Variants in CHL1 observed in about 807,000 individuals in gnomAD.
The protein encoded by CHL1 is neural cell adhesion molecule L1-like protein.
CHL1 carries 96 observed loss-of-function variants against 141.9 expected under a neutral mutation model. The observed-to-expected ratio is 0.68, with a 90% CI of 0.57 to 0.80. The LOEUF is 0.80. Ranked by LOEUF, CHL1 falls within the 30% of genes least tolerant of loss-of-function variation. CHL1 has a pLI of 0.00. For synonymous variants in CHL1, 613 were observed against 502.2 expected (o/e 1.22, Z -2.95); for missense variants, 1,820 against 1,457.2 (o/e 1.25, Z -4.05).
At chr3:249,346 G>A (rs973055388) in intron 2 of CHL1, among the ~76,000 whole-genome samples, 4 of 152,004 alleles carry the variant, frequency 2.6e-5, no homozygotes, top group Admixed American at 2.6e-4. Flanking sequence ...TCAAAGATTA[G>A]TGACTTCACA....
Position 282,673 on chromosome 3 carries a change from A to G in CHL1, c.-94-37010A>G, listed in dbSNP as rs62227205. The G allele has an allele frequency of 5.8e-3, 879 of 152,316 alleles. 3 individuals carry two copies. The highest frequency in any genetic ancestry group is 0.01 in the Non-Finnish European group (682 of 68,042). The allele number at this position is 152,316 out of a possible 1,614,324, so 9.4% of individuals were successfully genotyped here. A position where few individuals can be genotyped will look rare whatever the true frequency, so the allele number is the denominator to read the frequency against. ...CTGTCTTTCTCCTTCAGCACATTGA[A>G]TATGTCATCCCACTGAAAAATGTGA... On this transcript the variant is annotated intron_variant, in intron 2 of 27. Transcript: ENST00000256509.
intron 3 of CHL1, among the ~76,000 whole-genome samples, chr3:322,075 C>T (rs535908266): frequency 1.3e-5 from 2 of 152,086 alleles, no homozygotes; most frequent in Middle Eastern, 3.4e-3. Context: ...TGTATCATCC[C>T]TCACCGTTTA....
intron 3 of CHL1, among the ~76,000 whole-genome samples, chr3:320,868 C>G (rs11914397): frequency 5.5e-4 from 83 of 152,036 alleles, no homozygotes; most frequent in African/African-American, 1.9e-3. Context: ...GGAATAATCT[C>G]TATTGCATCT....
At chr3:312,965 A>C (rs1699874371) in intron 2 of CHL1, among the ~76,000 whole-genome samples, 1 of 152,182 alleles carries the variant, frequency 6.6e-6, no homozygotes, top group Non-Finnish European at 1.5e-5. Flanking sequence ...AATGTTGTTT[A>C]ATGATTTTGC....
intron 2 of CHL1, among the ~76,000 whole-genome samples, chr3:258,101 A>T (rs950402614): frequency 6.6e-6 from 1 of 152,168 alleles, no homozygotes; most frequent in Non-Finnish European, 1.5e-5. Flanking sequence ...CCTTGAAAAC[A>T]CCTGCAGGGC....
intron 2 of CHL1, among the ~76,000 whole-genome samples, chr3:307,300 A>T (rs1033996080): frequency 3.3e-5 from 5 of 152,230 alleles, no homozygotes; most frequent in African/African-American, 1.2e-4. Context: ...AAGTATGTGT[A>T]CACATGCACA....
intron 1 of CHL1, among the ~76,000 whole-genome samples, chr3:242,560 C>T (rs1013416968): frequency 3.3e-5 from 5 of 151,964 alleles, no homozygotes; most frequent in Admixed American, 2.0e-4. Context: ...TGTGCCACTG[C>T]ACTCCAGCCT....
At chr3:285,494 T>C (rs943837203) in intron 2 of CHL1, among the ~76,000 whole-genome samples, 1 of 152,218 alleles carries the variant, frequency 6.6e-6, no homozygotes, top group Non-Finnish European at 1.5e-5. Context: ...ATCATTTCAG[T>C]TCTTTCCCTA....
intron 1 of CHL1, among the ~76,000 whole-genome samples, chr3:206,462 T>C (rs1348859498): frequency 1.3e-5 from 2 of 151,664 alleles, no homozygotes; most frequent in African/African-American, 2.4e-5. Flanking sequence ...CGAGACTGTC[T>C]TAAAAAAAAA....
rs1411464629 is a variant in CHL1, at chr3:325,969, T to C, written c.102T>C (p.Val34=). The C allele has an allele frequency of 6.2e-7, 1 of 1,607,688 alleles. No individual in the cohort carries two copies. Among genetic ancestry groups the C allele is most frequent in the Non-Finnish European group, 8.5e-7 (1 of 1,175,372 alleles). ...TATTTTAATATTTAGTTCAACAGGT[T>C]CCAACAATCATAAAACAGTCAAAAG... The part of the protein sequence containing the change: ...AIEIPSSVQQ[V]PTIIKQSKVQ... The change falls in exon 4 of 28, where the codon GTT becomes GTC. Residue 34 remains valine (V), a synonymous_variant. Coordinates refer to ENST00000256509, the MANE Select transcript of CHL1 (RefSeq NM_006614.4).
chr3:227,287 A>G (rs1701440708), intron 1 of CHL1, among the ~76,000 whole-genome samples: 1 of 152,212 alleles, frequency 6.6e-6, no homozygotes, highest in South Asian at 2.1e-4. Flanking sequence ...AAAAAATGAT[A>G]TCTTATTCTA....
chr3:303,650 T>C (rs1350665214), intron 2 of CHL1, among the ~76,000 whole-genome samples: 1 of 152,216 alleles, frequency 6.6e-6, no homozygotes, highest in African/African-American at 2.4e-5. Flanking sequence ...GATGGGGTTT[T>C]CTAATTATAC....
chr3:312,429 C>T (rs138007329), intron 2 of CHL1, among the ~76,000 whole-genome samples: 1 of 152,168 alleles, frequency 6.6e-6, no homozygotes, highest in East Asian at 1.9e-4. Context: ...TTCAGGATTA[C>T]TGTGTTTATG....
chr3:251,842 G>C (rs1212283749), intron 2 of CHL1, among the ~76,000 whole-genome samples: 1 of 152,062 alleles, frequency 6.6e-6, no homozygotes, highest in African/African-American at 2.4e-5. Flanking sequence ...CTACTAAAAA[G>C]CCTTTAAAGT....
At chr3:400,536 T>G (rs904741987) in intron 26 of CHL1, among the ~76,000 whole-genome samples, 1 of 150,246 alleles carries the variant, frequency 6.7e-6, no homozygotes, top group Non-Finnish European at 1.5e-5. Context: ...CTACTAGGTC[T>G]CTGCATGTAG....
At chr3:377,038 TTTAAG>T (rs1312734368) in intron 15 of CHL1, among the ~76,000 whole-genome samples, 2 of 152,246 alleles carry the variant, frequency 1.3e-5, no homozygotes, top group African/African-American at 4.8e-5. Flanking sequence ...GATGACACTA[TTTAAG>T]TTATTTCAAC....
At chr3:395,245 C>G (rs1025683973) in intron 24 of CHL1, among the ~76,000 whole-genome samples, 1 of 152,182 alleles carries the variant, frequency 6.6e-6, no homozygotes, top group Non-Finnish European at 1.5e-5. Context: ...ATATTTGGCT[C>G]TTCCATTGGT....
intron 5 of CHL1, among the ~76,000 whole-genome samples, chr3:329,172 A>G (rs1243937732): frequency 6.6e-6 from 1 of 152,064 alleles, no homozygotes; most frequent in Non-Finnish European, 1.5e-5. Flanking sequence ...CCTGTTCTTA[A>G]TATATCCACC....
At chr3:248,277 C>T (rs1010728950) in intron 2 of CHL1, 1 of 152,092 alleles carries the variant, frequency 6.6e-6, no homozygotes, top group Middle Eastern at 3.4e-3. Context: ...AGTTAGGTCT[C>T]CGAAGGGAAG....
Sources: gnomAD v4.1 joint callset for allele counts (sites outside exome capture counted in the v4.1 genomes callset) on GRCh38, gnomAD v4.1.1 for gene constraint, MANE v1.5 for transcripts, NCBI Gene and HGNC (gene_info 2026-07-23, HGNC 2026-07-21) for gene names.